Variants in MCF2 observed in about 807,000 individuals in gnomAD.
MCF2 encodes the protein MCF.2 cell line derived transforming sequence.
MCF2 carries 44 observed loss-of-function variants against 82.5 expected under a neutral mutation model. The observed-to-expected ratio is 0.53, with a 90% CI of 0.42 to 0.69. The LOEUF is 0.69. MCF2 is among the 30% of genes least tolerant of loss of function. MCF2 has a pLI of 0.00. For synonymous variants in MCF2, 217 were observed against 224.9 expected (o/e 0.96, Z 0.32); for missense variants, 623 against 663.1 (o/e 0.94, Z 0.66).
chrX:139,605,156 CTTT>C (rs35352084), intron 13 of MCF2, among the ~76,000 whole-genome samples, 172 bp from the exon 18 acceptor site: 14 of 90,654 alleles, frequency 1.5e-4, no homozygotes, highest in African/African-American at 2.0e-4. Flanking sequence ...TTATCCATGA[CTTT>C]TTTTTTTTTT....
chrX:139,617,731 T>G, intron 7 of MCF2, 27 bp from the exon 11 acceptor site: 1 of 965,064 alleles, frequency 1.0e-6, no homozygotes. Context: ...CAAAAAATAA[T>G]GAATACATGA....
At chrX:139,630,949 T>A (rs779236912) in intron 3 of MCF2, among the ~76,000 whole-genome samples, 6 of 112,337 alleles carry the variant, frequency 5.3e-5, no homozygotes, top group African/African-American at 1.9e-4. Context: ...TTTTGCTATC[T>A]CATTTAGTCT....
At chrX:139,586,181 G>C (rs1331851324) in intron 23 of MCF2, among the ~76,000 whole-genome samples, 197 bp downstream of exon 27, 1 of 111,506 alleles carries the variant, frequency 9.0e-6, no homozygotes, top group Non-Finnish European at 1.9e-5. Context: ...GTGGTCCAGG[G>C]ACCACACTTT....
intron 1 of MCF2, among the ~76,000 whole-genome samples, chrX:139,666,802 C>A (rs1296739434): frequency 3.6e-5 from 4 of 111,843 alleles, no homozygotes; most frequent in Non-Finnish European, 5.6e-5. Flanking sequence ...AATAGATTTT[C>A]TAATCTCTTC....
intron 2 of MCF2, among the ~76,000 whole-genome samples, chrX:139,649,283 A>G (rs1933910915): frequency 8.9e-6 from 1 of 112,043 alleles, no homozygotes; most frequent in African/African-American, 3.2e-5. Context: ...AGTGAAAATA[A>G]TCACTGAGAA....
intron 1 of MCF2, among the ~76,000 whole-genome samples, chrX:139,670,166 T>C (rs1934640873): frequency 9.0e-6 from 1 of 111,335 alleles, no homozygotes; most frequent in African/African-American, 3.3e-5. Context: ...AAGGATTTAA[T>C]TATTTAAAAA....
chrX:139,585,233 G>A, intron 23 of MCF2, 55 bp from the exon 28 acceptor site: 1 of 734,950 alleles, frequency 1.4e-6, no homozygotes, highest in Non-Finnish European at 2.0e-6. Context: ...TTTACCACAA[G>A]GTGAGAAGTA....
At chrX:139,588,528 T>C in intron 20 of MCF2, 90 bp from the exon 25 acceptor site, 1 of 549,757 alleles carries the variant, frequency 1.8e-6, no homozygotes, top group South Asian at 3.2e-5. Flanking sequence ...ATTGTGTACA[T>C]AAAATATGAT....
At chrX:139,669,151 G>A (rs753287000) in intron 1 of MCF2, among the ~76,000 whole-genome samples, 2 of 111,925 alleles carry the variant, frequency 1.8e-5, no homozygotes, top group African/African-American at 6.5e-5. Flanking sequence ...TAAGGGACAT[G>A]TATCTAGAAT....
chrX:139,662,538 A>T (rs1253455288), intron 1 of MCF2, among the ~76,000 whole-genome samples: 1 of 111,284 alleles, frequency 9.0e-6, no homozygotes, highest in African/African-American at 3.3e-5. Flanking sequence ...TGGAATGGAG[A>T]GTCCAAAAAA....
chrX:139,583,090 G>A (rs1928617411), intron 24 of MCF2, among the ~76,000 whole-genome samples: 1 of 111,250 alleles, frequency 9.0e-6, no homozygotes, highest in African/African-American at 3.3e-5. Flanking sequence ...AGTACACAGT[G>A]GAGTTTTCTA....
chrX:139,678,379 A>G (rs1408330069), intron 1 of MCF2, among the ~76,000 whole-genome samples: 2 of 111,738 alleles, frequency 1.8e-5, no homozygotes, highest in Admixed American at 1.9e-4. Context: ...CAGAGAAAAT[A>G]TAGTATGATA....
At position 139,665,546 on chromosome X, in the gene MCF2, G is replaced by A. The variant is rs111934204; in HGVS notation, c.-44-13758C>T. ...TGCTGCAGAGATGTGGCTACTGCAG[G>A]GTAGTGGGGGAGGGATGGCATTGGC... On this transcript the variant is annotated intron_variant, in intron 1 of 27. Transcript: ENST00000414978. Among the ~76,000 whole-genome samples the A allele has an allele frequency of 3.1e-3, 342 of 111,128 alleles. 2 individuals are homozygous for A. Among genetic ancestry groups the A allele is most frequent in the African/African-American group, 0.011 (335 of 30,573 alleles).
At chrX:139,700,590 C>A (rs1380895809) in intron 1 of MCF2, among the ~76,000 whole-genome samples, 2 of 111,954 alleles carry the variant, frequency 1.8e-5, no homozygotes, top group East Asian at 5.7e-4. Context: ...ACCCAGAGGT[C>A]TATAGCATTT....
At chrX:139,657,425 T>A (rs756994502) in intron 1 of MCF2, among the ~76,000 whole-genome samples, 1 of 112,375 alleles carries the variant, frequency 8.9e-6, no homozygotes, top group South Asian at 3.7e-4. Context: ...GTAGCTCTAG[T>A]CTGGCTGTGT....
At chrX:139,668,775 T>C (rs1934598753) in intron 1 of MCF2, among the ~76,000 whole-genome samples, 2 of 111,472 alleles carry the variant, frequency 1.8e-5, no homozygotes, top group South Asian at 7.5e-4. Flanking sequence ...GTCTCTCAAA[T>C]GACTTTTGAC....
upstream of MCF2, among the ~76,000 whole-genome samples, chrX:139,647,266 G>A (rs985405236): frequency 1.8e-5 from 2 of 111,753 alleles, no homozygotes; most frequent in African/African-American, 6.5e-5. Flanking sequence ...ATGAGTGAAT[G>A]ATGGCTTGAC....
intron 1 of MCF2, among the ~76,000 whole-genome samples, chrX:139,680,166 C>A (rs756264305): frequency 2.2e-4 from 25 of 111,190 alleles, no homozygotes; most frequent in African/African-American, 7.5e-4. Flanking sequence ...CTCTGTCACC[C>A]AAGCTGGAGT....
intron 1 of MCF2, among the ~76,000 whole-genome samples, chrX:139,682,652 G>T (rs1280744707): frequency 8.9e-6 from 1 of 111,927 alleles, no homozygotes; most frequent in African/African-American, 3.3e-5. Flanking sequence ...TTGACAAATT[G>T]TCTTGTCCAG....
Sources: gnomAD v4.1 joint callset for allele counts (sites outside exome capture counted in the v4.1 genomes callset) on GRCh38, gnomAD v4.1.1 for gene constraint, MANE v1.5 for transcripts, NCBI Gene and HGNC (gene_info 2026-07-23, HGNC 2026-07-21) for gene names.